Variants in GSPT1 observed in about 807,000 individuals in gnomAD.
The protein encoded by GSPT1 is G1 to S phase transition 1, also known as eukaryotic peptide chain release factor GTP-binding subunit ERF3A.
Under a neutral mutation model 72.5 loss-of-function variants are expected in GSPT1, and 20 were observed. The ratio of observed to expected loss-of-function variants is 0.28; its 90% CI spans 0.19 to 0.40. GSPT1 has a LOEUF of 0.40. Among genes scored for constraint, GSPT1 ranks in the 10% least tolerant of loss-of-function variants. The pLI is 1.00. For synonymous variants in GSPT1, 334 were observed against 293.5 expected, an observed-to-expected ratio of 1.14 and a Z score of -1.41; for missense variants, 580 against 811.9, an observed-to-expected ratio of 0.71 and a Z score of 3.47.
In GSPT1 at chr16:11,872,304, T is replaced by C. The variant is rs1362587804; in HGVS notation, c.*815A>G. On this transcript the variant is annotated 3_prime_UTR_variant, in exon 15 of 15. Transcript: ENST00000434724. ...GTACAATTTCATTACGCTTTACTTA[T>C]AAAAACTACAGTATGCTGTTCTTTT... is the stretch of plus-strand genomic sequence containing the variant. The C allele has an allele frequency of 6.6e-6, 1 of 151,222 alleles. No homozygotes were observed. The highest frequency in any genetic ancestry group is 1.5e-5 in the Non-Finnish European group (1 of 67,896). 9.4% of individuals were successfully genotyped at this position (151,222 alleles called of 1,614,324 possible).
chr16:11,877,451 C>T lies in GSPT1; in HGVS notation c.1558G>A (p.Asp520Asn). 2 of 1,603,550 alleles carry T rather than the reference C, an allele frequency of 1.2e-6. No homozygotes were observed. Among genetic ancestry groups the T allele is most frequent in the Non-Finnish European group, 1.7e-6 (2 of 1,176,822 alleles). ...CCAGAATGACAAAGATTATTAGGAT[C>T]ACAAAGTATAAACCCTGGAAGAATC... The part of the protein sequence containing the change: ...EEILPGFILC[D>N]PNNLCHSGRT... Residue 520 changes from aspartate to asparagine, a missense_variant, in exon 12 of 15, where the codon GAT becomes AAT. Coordinates refer to ENST00000434724, the MANE Select transcript of GSPT1 (RefSeq NM_002094.4). This position sits in a 1 kb window ranked among gnomAD's most constrained non-coding sequence, Gnocchi z 4.0.
Position 11,915,770 on chromosome 16 carries a change from G to C in GSPT1, c.-50C>G, listed in dbSNP as rs371911999. On this transcript the variant is annotated 5_prime_UTR_variant, in exon 1 of 15. Transcript: ENST00000434724. ...GGACAGAGAGCGGGAAATGGAGGCAGGGGCGCCCGGCCGGAGAGGAGTGGG... is the reference window on the plus strand; with the variant it reads ...GGACAGAGAGCGGGAAATGGAGGCACGGGCGCCCGGCCGGAGAGGAGTGGG... 6.4e-7 allele frequency: 1 copy of C among 1,568,134 alleles called. No homozygotes were observed. Among genetic ancestry groups the C allele is most frequent in the Admixed American group, 1.8e-5 (1 of 56,360 alleles).
Position 11,870,475 on chromosome 16 carries a change from T to C in GSPT1, c.*2644A>G, listed in dbSNP as rs527429360. ...CGTTAGAGAACAAATGCTTAGGTAA[T>C]ACCCTAAATATGCAGCCAACTACCC... On this transcript the variant is annotated 3_prime_UTR_variant, in exon 15 of 15. Transcript: ENST00000434724. The C allele has an allele frequency of 1.3e-5, 2 of 152,334 alleles. No individual in the cohort carries two copies. Among genetic ancestry groups the C allele is most frequent in the East Asian group, 3.9e-4 (2 of 5,194 alleles). The allele number at this position is 152,334 out of a possible 1,614,324, so 9.4% of individuals were successfully genotyped here.
At position 11,871,415 on chromosome 16, in the gene GSPT1, A is replaced by G. The variant is rs1009525867; in HGVS notation, c.*1704T>C. 1 of 152,172 alleles carries G rather than the reference A, an allele frequency of 6.6e-6. No homozygotes were observed. Among genetic ancestry groups the G allele is most frequent in the African/African-American group, 2.4e-5 (1 of 41,436 alleles). 9.4% of individuals were successfully genotyped at this position (152,172 alleles called of 1,614,324 possible). The stretch of plus-strand genomic sequence containing the variant: ...AAACCTCGTCTCCACTAAAGATACA[A>G]AAATTAACTGGGCCTCGTGGAGGGC... On this transcript the variant is annotated 3_prime_UTR_variant, in exon 15 of 15. Coordinates refer to ENST00000434724, the MANE Select transcript of GSPT1 (RefSeq NM_002094.4).
intron 1 of GSPT1, among the ~76,000 whole-genome samples, chr16:11,911,782 C>G (rs1382908107): frequency 6.7e-6 from 1 of 149,862 alleles, no homozygotes; most frequent in African/African-American, 2.5e-5. Flanking sequence ...GAACTCCTGA[C>G]CTCAGGTGAT....
chr16:11,880,579 G>C (rs2054109628), intron 11 of GSPT1, among the ~76,000 whole-genome samples: 1 of 152,146 alleles, frequency 6.6e-6, no homozygotes, highest in African/African-American at 2.4e-5. Context: ...TCCTGCCTCA[G>C]CTTTTCCGAA....
intron 1 of GSPT1, among the ~76,000 whole-genome samples, chr16:11,900,796 C>T (rs2054396218): frequency 6.6e-6 from 1 of 152,130 alleles, no homozygotes; most frequent in Non-Finnish European, 1.5e-5. Context: ...GTACTTACAC[C>T]TGACCACTTA....
intron 10 of GSPT1, 55 bp from the exon 11 acceptor site, chr16:11,883,150 C>CA: frequency 3.9e-6 from 4 of 1,036,758 alleles, no homozygotes; most frequent in Non-Finnish European, 6.1e-6. Flanking sequence ...TGTATAACAG[C>CA]TCAATAGCCC....
chr16:11,914,986 C>A (rs1002603205), intron 1 of GSPT1: 1 of 1,287,366 alleles, frequency 7.8e-7, no homozygotes, highest in Admixed American at 2.3e-5. Context: ...TCTAAACGCC[C>A]ACCCAAATGA....
intron 1 of GSPT1, among the ~76,000 whole-genome samples, chr16:11,912,372 A>C (rs912270190): frequency 7.2e-5 from 11 of 152,086 alleles, no homozygotes; most frequent in Non-Finnish European, 1.2e-4. Flanking sequence ...ACAAAAAAAA[A>C]ACCTCCTCTT....
At chr16:11,886,340 T>C (rs1005097229) in intron 9 of GSPT1, 131 bp downstream of exon 9, 1 of 593,676 alleles carries the variant, frequency 1.7e-6, no homozygotes, top group Non-Finnish European at 2.8e-6. Flanking sequence ...CATTTAATAT[T>C]TTCTTAAATT....
intron 1 of GSPT1, among the ~76,000 whole-genome samples, chr16:11,914,782 A>T (rs1022561047): frequency 2.6e-5 from 4 of 152,216 alleles, no homozygotes; most frequent in Admixed American, 6.5e-5. Context: ...AGATCTTGGT[A>T]TTGATAGCCA....
Position 11,869,837 on chromosome 16 carries a change from T to G in GSPT1, c.*3282A>C, listed in dbSNP as rs545694771. The G allele has an allele frequency of 2.6e-5, 4 of 152,350 alleles. No individual in the cohort carries two copies. The South Asian group carries it at 8.3e-4, about 32-fold the overall frequency. 9.4% of individuals were successfully genotyped at this position (152,350 alleles called of 1,614,324 possible). ...CTTAGCTGATTTTTTTCCAGGTTCA[T>G]CTTGGGAGCAGTTTTTGATCATAGG... On this transcript the variant is annotated 3_prime_UTR_variant, in exon 15 of 15. Transcript: ENST00000434724.
intron 6 of GSPT1, among the ~76,000 whole-genome samples, chr16:11,889,725 C>T (rs1486727251): frequency 3.3e-5 from 5 of 151,802 alleles, no homozygotes; most frequent in Non-Finnish European, 7.4e-5. Flanking sequence ...AGGCTGGTCT[C>T]GAACTCCTGA....
At chr16:11,910,243 G>C (rs1300672371) in intron 1 of GSPT1, among the ~76,000 whole-genome samples, 1 of 152,190 alleles carries the variant, frequency 6.6e-6, no homozygotes, top group Non-Finnish European at 1.5e-5. Flanking sequence ...TAAATCTTTA[G>C]TTTTATGAGA....
chr16:11,898,666 G>C (rs1425259387), intron 1 of GSPT1, among the ~76,000 whole-genome samples: 1 of 152,014 alleles, frequency 6.6e-6, no homozygotes, highest in Non-Finnish European at 1.5e-5. Context: ...GGTCAGGCTG[G>C]TTTTGAACTA....
chr16:11,872,438 G>A lies in GSPT1; in HGVS notation c.*681C>T, dbSNP rs1014009011. ...GACCTAGTAAAGCAGTGTCACATTT[G>A]CATAAAGGGATTTAACTGCATGTAT... On this transcript the variant is annotated 3_prime_UTR_variant, in exon 15 of 15. Transcript: ENST00000434724. 6 of 151,360 alleles carry A rather than the reference G, an allele frequency of 4.0e-5. No individual in the cohort carries two copies. Among genetic ancestry groups the A allele is most frequent in the African/African-American group, 1.2e-4 (5 of 41,230 alleles). The allele number at this position is 151,360 out of a possible 1,614,324, so 9.4% of individuals were successfully genotyped here. A position where few individuals can be genotyped will look rare whatever the true frequency, so the allele number is the denominator to read the frequency against.
rs200911963 is a variant in GSPT1 at position 11,891,366 on chromosome 16, A to AT, written c.699-228dup. Among the ~76,000 whole-genome samples, 1,273 of 143,456 alleles carry AT rather than the reference A, an allele frequency of 8.9e-3. 18 individuals are homozygous for AT. The highest frequency in any genetic ancestry group is 0.025 in the East Asian group (124 of 4,974). 94.1% of individuals were successfully genotyped at this position (143,456 alleles called of 152,430 possible). A position where few individuals can be genotyped will look rare whatever the true frequency, so the allele number is the denominator to read the frequency against. On this transcript the variant is annotated intron_variant, in intron 5 of 14. Transcript: ENST00000434724. ...AAATATATATATTACATATATATAT[A>AT]TATTTTTTTTTTTGAGACAGAGTTT...
chr16:11,891,738 C>T (rs997964559), intron 5 of GSPT1, among the ~76,000 whole-genome samples: 8 of 148,704 alleles, frequency 5.4e-5, no homozygotes, highest in Non-Finnish European at 3.0e-5. Flanking sequence ...TCTCAGCTCA[C>T]TGCAACTTCC....
Sources: allele counts gnomAD v4.1 joint callset (sites outside exome capture counted in the v4.1 genomes callset), GRCh38; gene constraint gnomAD v4.1.1; non-coding constraint Gnocchi (gnomAD v3.1); transcripts MANE v1.5; gene names NCBI Gene and HGNC (gene_info 2026-07-23, HGNC 2026-07-21).